Variants in ERG observed in about 807,000 individuals in gnomAD.
ERG encodes transcriptional regulator ERG.
In ERG, 9 loss-of-function variants were observed where a neutral mutation model predicts 55.3. The observed-to-expected ratio is 0.16, with a 90% CI of 0.10 to 0.28. The LOEUF is 0.28. Ranked by LOEUF, ERG falls within the 10% of genes least tolerant of loss-of-function variation. The probability of loss-of-function intolerance (pLI) is 1.00; values close to 1 mark genes in which losing one functional copy is unlikely to be tolerated. For synonymous variants in ERG, 223 were observed against 237.3 expected, an observed-to-expected ratio of 0.94 and a Z score of 0.55; for missense variants, 434 against 631.6, an observed-to-expected ratio of 0.69 and a Z score of 3.35.
At chr21:38,455,868 T>TGCCCC (rs2058983617) in intron 1 of ERG, among the ~76,000 whole-genome samples, 1 of 130,642 alleles carries the variant, frequency 7.7e-6, no homozygotes, top group Non-Finnish European at 1.7e-5. Context: ...ATTGGTACGG[T>TGCCCC]CCCCCCCCTC....
intron 2 of ERG, among the ~76,000 whole-genome samples, chr21:38,427,748 C>T (rs889048662): frequency 2.0e-5 from 3 of 152,178 alleles, no homozygotes; most frequent in African/African-American, 7.2e-5. Flanking sequence ...CTAAAGCACT[C>T]ATCCTGACAT....
At chr21:38,423,896 A>C (rs1989672934) in intron 2 of ERG, among the ~76,000 whole-genome samples, 1 of 152,184 alleles carries the variant, frequency 6.6e-6, no homozygotes, top group Non-Finnish European at 1.5e-5. Context: ...AAATTGCTTG[A>C]ATCCGGGAGG....
At chr21:38,393,229 A>G (rs1988058389) in intron 6 of ERG, among the ~76,000 whole-genome samples, 1 of 152,328 alleles carries the variant, frequency 6.6e-6, no homozygotes, top group Middle Eastern at 3.4e-3. Flanking sequence ...ACCTTCATTT[A>G]CTTTTCATAT....
intron 2 of ERG, among the ~76,000 whole-genome samples, chr21:38,440,242 G>A (rs2146543191): frequency 6.6e-6 from 1 of 152,368 alleles, no homozygotes; most frequent in South Asian, 2.1e-4. Context: ...GGCACAGCTG[G>A]CCTGGGGCTT....
intron 2 of ERG, among the ~76,000 whole-genome samples, chr21:38,425,342 G>A (rs941352971): frequency 3.3e-5 from 5 of 151,792 alleles, no homozygotes; most frequent in South Asian, 2.1e-4. Context: ...CTGAGATGGC[G>A]CCATTGCACT....
intron 1 of ERG, among the ~76,000 whole-genome samples, chr21:38,451,619 G>T (rs2058942602): frequency 6.6e-6 from 1 of 152,284 alleles, no homozygotes; most frequent in Admixed American, 6.5e-5. Flanking sequence ...TCTCTTCAAG[G>T]CAGCACATAT....
chr21:38,547,192 A>AT (rs1189945596), intron 2 of ERG, among the ~76,000 whole-genome samples: 8 of 152,024 alleles, frequency 5.3e-5, no homozygotes, highest in East Asian at 1.9e-4. Flanking sequence ...AAAGTCATGG[A>AT]TTTTTTTTCT....
At chr21:38,633,291 T>C (rs1474495139) in intron 1 of ERG, among the ~76,000 whole-genome samples, 1 of 152,230 alleles carries the variant, frequency 6.6e-6, no homozygotes, top group African/African-American at 2.4e-5. Context: ...GGAAAATTTC[T>C]TCAGTTTTGT....
At chr21:38,375,360 C>T (rs1987214474), downstream of ERG, among the ~76,000 whole-genome samples, 3 of 152,194 alleles carry the variant, frequency 2.0e-5, no homozygotes, top group Admixed American at 2.0e-4. Context: ...TCTTGTCTTG[C>T]ATTAGAGATT....
intron 3 of ERG, among the ~76,000 whole-genome samples, chr21:38,408,633 TA>T (rs1569074121): frequency 2.0e-5 from 3 of 152,198 alleles, no homozygotes; most frequent in East Asian, 3.9e-4. Context: ...GTTTTGGTCC[TA>T]ACCTTTTAAC....
intron 9 of ERG, among the ~76,000 whole-genome samples, chr21:38,389,323 A>G (rs1179434310): frequency 6.6e-6 from 1 of 152,126 alleles, no homozygotes; most frequent in African/African-American, 2.4e-5. Context: ...TGGAGATAGT[A>G]ACCTCCCAGG....
intron 2 of ERG, among the ~76,000 whole-genome samples, chr21:38,526,365 T>G (rs2836471): frequency 0.067 from 10,204 of 152,254 alleles, 460 homozygotes; most frequent in South Asian, 0.13. Context: ...TCTGCTATAA[T>G]ATTAATCATA....
At chr21:38,427,744 C>T (rs1395927864) in intron 2 of ERG, among the ~76,000 whole-genome samples, 1 of 152,200 alleles carries the variant, frequency 6.6e-6, no homozygotes, top group African/African-American at 2.4e-5. Context: ...TACACTAAAG[C>T]ACTCATCCTG....
intron 1 of ERG, among the ~76,000 whole-genome samples, chr21:38,653,001 G>C (rs558089478): frequency 5.9e-5 from 9 of 152,128 alleles, no homozygotes; most frequent in African/African-American, 2.2e-4. Flanking sequence ...CAGATTGCAC[G>C]GCATTCGCAT....
chr21:38,534,115 G>A (rs1212257594), intron 2 of ERG, among the ~76,000 whole-genome samples: 1 of 152,074 alleles, frequency 6.6e-6, no homozygotes, highest in African/African-American at 2.4e-5. Flanking sequence ...CTCTCCTGCT[G>A]GACAGCTCCT....
At chr21:38,517,381 G>T (rs1273902309) in intron 2 of ERG, among the ~76,000 whole-genome samples, 1 of 151,988 alleles carries the variant, frequency 6.6e-6, no homozygotes, top group African/African-American at 2.4e-5. Context: ...CTAATCATCA[G>T]GGAAATGCAA....
rs191223476 is a variant in ERG, at chr21:38,555,114, G to C, written c.-41+20548C>G. 3.0e-3 allele frequency among the ~76,000 whole-genome samples: 449 copies of C among 152,182 alleles called. 2 individuals are homozygous for C. The highest frequency in any genetic ancestry group is 0.01 in the African/African-American group (423 of 41,534). The stretch of plus-strand genomic sequence containing the variant: ...TGCTGAGGCGGGCGGATTACCTGAG[G>C]TCAGGAGTTTGAGACCAGCCTGGCC... On this transcript the variant is annotated intron_variant, in intron 2 of 8. Coordinates refer to the ERG transcript ENST00000398897.
chr21:38,409,488 T>TAAAAAAA lies in ERG; in HGVS notation c.389-5786_389-5780dup, dbSNP rs71330329. Among the ~76,000 whole-genome samples, 5 of 79,528 alleles carry TAAAAAAA rather than the reference T, an allele frequency of 6.3e-5. 1 individual carries two copies. The highest frequency in any genetic ancestry group is 1.7e-4 in the Admixed American group (1 of 5,932). The allele number at this position is 79,528 out of a possible 152,430, so 52.2% of individuals were successfully genotyped here. On this transcript the variant is annotated intron_variant, in intron 3 of 9. Transcript: ENST00000288319. Reference sequence around the variant, plus strand: ...GCAACAAGAGCGAAACTCCGTCTCATAAAAAAAAAAAAAAAAAAAAAAAGA... The same window carrying TAAAAAAA: ...GCAACAAGAGCGAAACTCCGTCTCATAAAAAAAAAAAAAAAAAAAAAAAAAAAAAAGA...
intron 1 of ERG, among the ~76,000 whole-genome samples, chr21:38,612,717 G>A (rs1053090542): frequency 2.0e-5 from 3 of 148,786 alleles, no homozygotes; most frequent in East Asian, 2.0e-4. Flanking sequence ...AGGCTGGAGT[G>A]CAGTGGTGCA....
Sources: gnomAD v4.1 joint callset for allele counts (sites outside exome capture counted in the v4.1 genomes callset) on GRCh38, gnomAD v4.1.1 for gene constraint, MANE v1.5 for transcripts, NCBI Gene and HGNC (gene_info 2026-07-23, HGNC 2026-07-21) for gene names.